Variants in GDNF observed in about 807,000 individuals in gnomAD.
The protein encoded by GDNF is glial cell derived neurotrophic factor, also known as glial cell line-derived neurotrophic factor.
A neutral mutation model predicts 13.7 loss-of-function variants in GDNF; 5 were observed. That is an observed-to-expected ratio of 0.36 (90% CI 0.19 to 0.77). GDNF has a LOEUF of 0.77. Ranked by LOEUF, GDNF falls within the 30% of genes least tolerant of loss-of-function variation. The pLI, the probability that GDNF is intolerant of heterozygous loss-of-function variation, is 0.51. For missense variants in GDNF, 246 were observed against 274.3 expected (o/e 0.90, Z 0.73); for synonymous variants, 122 against 112.5 (o/e 1.08, Z -0.53).
rs140397105 is a variant in GDNF at position 37,833,636 on chromosome 5, A to C, written c.151+1010T>G. 3.5e-3 allele frequency among the ~76,000 whole-genome samples: 532 copies of C among 151,870 alleles called. 2 individuals are homozygous for C. Among genetic ancestry groups the C allele is most frequent in the African/African-American group, 0.012 (503 of 41,498 alleles). On this transcript the variant is annotated intron_variant, in intron 2 of 2. Transcript: ENST00000326524. ...TACTACTGTGGTTATGACCATAGTA[A>C]GTTTCAAGCGCAAAGTTACTAGAGG...
At chr5:37,821,198 C>T (rs1382878892) in intron 2 of GDNF, among the ~76,000 whole-genome samples, 1 of 152,150 alleles carries the variant, frequency 6.6e-6, no homozygotes, top group Non-Finnish European at 1.5e-5. Context: ...TCTCACCCAG[C>T]CCAGACAAGA....
intron 2 of GDNF, among the ~76,000 whole-genome samples, chr5:37,829,314 C>T (rs1750436666): frequency 1.3e-5 from 2 of 152,184 alleles, no homozygotes; most frequent in African/African-American, 4.8e-5. Flanking sequence ...CAAATCCTCC[C>T]TCTTCCCTGA....
chr5:37,827,781 A>G (rs1359642901), intron 2 of GDNF, among the ~76,000 whole-genome samples: 1 of 152,254 alleles, frequency 6.6e-6, no homozygotes, highest in Non-Finnish European at 1.5e-5. Flanking sequence ...CATGAACTAA[A>G]TAAACTACAT....
intron 2 of GDNF, among the ~76,000 whole-genome samples, chr5:37,818,970 A>G (rs1229536293): frequency 3.3e-5 from 5 of 151,586 alleles, no homozygotes; most frequent in African/African-American, 1.2e-4. Flanking sequence ...CTAACACACC[A>G]TCTAACTGAT....
chr5:37,819,444 C>CTTTTTTTT (rs529362873), intron 2 of GDNF, among the ~76,000 whole-genome samples: 118 of 126,132 alleles, frequency 9.4e-4, no homozygotes, highest in East Asian at 2.0e-3. Flanking sequence ...GTGCTCTTTT[C>CTTTTTTTT]TTTTTTTTTT....
intron 2 of GDNF, among the ~76,000 whole-genome samples, chr5:37,819,920 A>G (rs1316441651): frequency 6.6e-6 from 1 of 152,236 alleles, no homozygotes; most frequent in African/African-American, 2.4e-5. Flanking sequence ...GATTTCTTTC[A>G]ATAATAAGCT....
intron 2 of GDNF, among the ~76,000 whole-genome samples, chr5:37,821,910 A>G (rs908896084): frequency 1.3e-5 from 2 of 152,236 alleles, no homozygotes; most frequent in African/African-American, 2.4e-5. Flanking sequence ...AAGAGTGGAC[A>G]AAGTCTTTTC....
chr5:37,817,616 T>TGTGC (rs1442385529), intron 2 of GDNF, among the ~76,000 whole-genome samples: 1 of 151,868 alleles, frequency 6.6e-6, no homozygotes, highest in Non-Finnish European at 1.5e-5. Context: ...TGTGTGTGTG[T>TGTGC]GTGTGTGTGT....
At chr5:37,826,349 C>A (rs528840767) in intron 2 of GDNF, among the ~76,000 whole-genome samples, 10 of 152,302 alleles carry the variant, frequency 6.6e-5, no homozygotes, top group African/African-American at 2.4e-4. Context: ...GCACAGAAGG[C>A]AGCAGTGTAA....
chr5:37,825,781 G>T (rs1361458834), intron 2 of GDNF, among the ~76,000 whole-genome samples: 4 of 152,158 alleles, frequency 2.6e-5, no homozygotes, highest in Admixed American at 6.5e-5. Flanking sequence ...GTAGGTAAAA[G>T]GCATGTAAGG....
intron 2 of GDNF, among the ~76,000 whole-genome samples, chr5:37,825,448 T>C (rs1750276298): frequency 6.6e-6 from 1 of 152,202 alleles, no homozygotes; most frequent in Admixed American, 6.5e-5. Flanking sequence ...AGCTAATCCA[T>C]GAACACCTGG....
rs1044182009 is a variant in GDNF at position 37,814,745 on chromosome 5, G to A, written c.*906C>T. ...GTATCTGAAACAGATGCATTGCATCGAGTAGCTTCTCTGGTCACTGGTGAC... is the reference window on the plus strand; with the variant it reads ...GTATCTGAAACAGATGCATTGCATCAAGTAGCTTCTCTGGTCACTGGTGAC... On this transcript the variant is annotated 3_prime_UTR_variant, in exon 3 of 3. Coordinates refer to ENST00000326524, the MANE Select transcript of GDNF (RefSeq NM_000514.4). 6.6e-6 allele frequency: 1 copy of A among 151,980 alleles called. No individual in the cohort carries two copies. Among genetic ancestry groups the A allele is most frequent in the African/African-American group, 2.4e-5 (1 of 41,388 alleles). 9.4% of individuals were successfully genotyped at this position (151,980 alleles called of 1,614,324 possible). A position where few individuals can be genotyped will look rare whatever the true frequency, so the allele number is the denominator to read the frequency against.
chr5:37,815,721 G>C lies in GDNF; in HGVS notation c.566C>G (p.Ser189Trp). The C allele has an allele frequency of 6.2e-7, 1 of 1,613,614 alleles. No homozygotes were observed. Among genetic ancestry groups the C allele is most frequent in the Non-Finnish European group, 8.5e-7 (1 of 1,179,560 alleles). ...CRPIAFDDDL[S>W]FLDDNLVYHI... ...GTAAACCAGGTTATCATCTAAAAACGACAGGTCATCATCAAAGGCGATGGG... is the reference window on the plus strand; with the variant it reads ...GTAAACCAGGTTATCATCTAAAAACCACAGGTCATCATCAAAGGCGATGGG... Residue 189 changes from serine to tryptophan, a missense_variant, in exon 3 of 3, where the codon TCG (serine) becomes TGG (tryptophan). Coordinates refer to ENST00000326524, the MANE Select transcript of GDNF (RefSeq NM_000514.4). The surrounding 1 kb of genome is among the most constrained non-coding windows in gnomAD (Gnocchi z 5.0).
chr5:37,837,163 T>C lies in GDNF; in HGVS notation c.-26-2341A>G, dbSNP rs1464323325. 2.6e-5 allele frequency among the ~76,000 whole-genome samples: 4 copies of C among 152,236 alleles called. No homozygotes were observed. Among genetic ancestry groups the C allele is most frequent in the Non-Finnish European group, 5.9e-5 (4 of 68,038 alleles). On this transcript the variant is annotated intron_variant, in intron 1 of 2. Transcript: ENST00000326524. This position sits in a 1 kb window ranked among gnomAD's most constrained non-coding sequence, Gnocchi z 6.5. The stretch of plus-strand genomic sequence containing the variant: ...CACAGCGTCTACTAGGACGTTTTTC[T>C]TAGAGTCCGTGTGGGCTCCACCCCT...
intron 2 of GDNF, among the ~76,000 whole-genome samples, chr5:37,825,741 C>T (rs973752961): frequency 6.6e-6 from 1 of 152,208 alleles, no homozygotes; most frequent in African/African-American, 2.4e-5. Flanking sequence ...CTCAGCATCC[C>T]TCAGCTCTTC....
intron 2 of GDNF, among the ~76,000 whole-genome samples, chr5:37,833,860 G>T (rs977972138): frequency 2.6e-5 from 4 of 152,168 alleles, no homozygotes; most frequent in Non-Finnish European, 4.4e-5. Flanking sequence ...GAGGAGTGGA[G>T]GGAAAACGAG....
chr5:37,836,916 A>G (rs888041863), intron 1 of GDNF, among the ~76,000 whole-genome samples: 8 of 152,220 alleles, frequency 5.3e-5, no homozygotes, highest in African/African-American at 1.9e-4. Flanking sequence ...AAGACTACAC[A>G]GTGGAAAACT....
In GDNF at chr5:37,816,036, G is replaced by T. The variant is rs1463572975; in HGVS notation, c.251C>A (p.Ala84Glu). 6.2e-7 allele frequency: 1 copy of T among 1,613,312 alleles called. No individual in the cohort carries two copies. Among genetic ancestry groups the T allele is most frequent in the African/African-American group, 1.3e-5 (1 of 74,856 alleles). Residue 84 changes from alanine to glutamate, a missense_variant, in exon 3 of 3, where the codon GCA (alanine) becomes GAA (glutamate). By Grantham distance (107) the Ala-to-Glu change is moderately radical. Transcript: ENST00000326524. ...ATTCCGCTCTCTTCTAGGAAGCACT[G>T]CCATTTGTTTATCTGGTGACCTTTT... ...RLKRSPDKQM[A>E]VLPRRERNRQ... is the part of the protein sequence containing the mutation.
chr5:37,818,675 A>G (rs1020305077), intron 2 of GDNF, among the ~76,000 whole-genome samples: 10 of 152,176 alleles, frequency 6.6e-5, no homozygotes, highest in African/African-American at 2.4e-4. Context: ...ACTATAGCTT[A>G]AACAGTCAAG....
Sources: gnomAD v4.1 joint callset for allele counts (sites outside exome capture counted in the v4.1 genomes callset) on GRCh38, gnomAD v4.1.1 for gene constraint, Gnocchi (gnomAD v3.1) non-coding constraint, MANE v1.5 for transcripts, NCBI Gene and HGNC (gene_info 2026-07-23, HGNC 2026-07-21) for gene names.